TRRAP: variants seen among roughly 807,000 people sequenced by gnomAD.
The protein encoded by TRRAP is transformation/transcription domain associated protein, also known as transformation/transcription domain-associated protein.
In TRRAP, 41 loss-of-function variants were observed where a neutral mutation model predicts 438.8. That is an observed-to-expected ratio of 0.09 (90% CI 0.07 to 0.12). The LOEUF is 0.12. Among genes scored for constraint, TRRAP ranks in the 10% least tolerant of loss-of-function variants. The probability of loss-of-function intolerance (pLI) is 1.00; values close to 1 mark genes in which losing one functional copy is unlikely to be tolerated. For synonymous variants in TRRAP, 1,994 were observed against 1,962.9 expected, an observed-to-expected ratio of 1.02 and a Z score of -0.42; for missense variants, 3,122 against 5,055.1, an observed-to-expected ratio of 0.62 and a Z score of 11.60.
chr7:98,881,893 A>T (rs1795455508), intron 2 of TRRAP, 82 bp from the exon 3 acceptor site: 1 of 1,486,350 alleles, frequency 6.7e-7, no homozygotes, highest in African/African-American at 1.4e-5. Flanking sequence ...TGCTTCTCTT[A>T]AATTACTAAA....
At position 98,900,571 on chromosome 7, in the gene TRRAP, T is replaced by C. The variant is rs188429856; in HGVS notation, c.801-53T>C. The C allele has an allele frequency of 2.5e-4, 374 of 1,466,742 alleles. 2 individuals are homozygous for C. In the East Asian group the frequency reaches 7.8e-3, roughly 30 times the overall value. The allele number at this position is 1,466,742 out of a possible 1,614,324, so 90.9% of individuals were successfully genotyped here. On this transcript the variant is annotated intron_variant, in intron 10 of 72. Transcript: ENST00000456197. ...GTAATGGTTACAGGCTTTTAATTAA[T>C]ACTAACATCACTCATAATTGAGAGG...
intron 49 of TRRAP, among the ~76,000 whole-genome samples, chr7:98,966,755 C>T (rs1460878664): frequency 6.6e-6 from 1 of 151,978 alleles, no homozygotes; most frequent in Non-Finnish European, 1.5e-5. Context: ...ACAAATAATA[C>T]TTAAAGTAAA....
At position 98,910,613 on chromosome 7, in the gene TRRAP, G is replaced by C; in HGVS notation, c.1812+6G>C. The C allele has an allele frequency of 1.2e-6, 2 of 1,607,496 alleles. No homozygotes were observed. Among genetic ancestry groups the C allele is most frequent in the Non-Finnish European group, 1.7e-6 (2 of 1,177,176 alleles). ...AAGCTTTAGATATTTATCAGGTAAG[G>C]AAGTGCCCTCCAGCCAGGCTTTCGC... On this transcript the variant is annotated splice_donor_region_variant and intron_variant, in intron 16 of 72. Coordinates refer to ENST00000456197, the MANE Select transcript of TRRAP (RefSeq NM_001375524.1).
chr7:98,930,864 T>A (rs782184588), intron 25 of TRRAP, 34 bp downstream of exon 25: 1 of 1,612,474 alleles, frequency 6.2e-7, no homozygotes, highest in South Asian at 1.1e-5. Flanking sequence ...CTAACCATGC[T>A]GTTTTTGAAA....
intron 25 of TRRAP, 46 bp downstream of exon 25, chr7:98,930,876 G>C (rs1554412709): frequency 6.2e-7 from 1 of 1,610,016 alleles, no homozygotes; most frequent in Admixed American, 1.7e-5. Flanking sequence ...TTTTTGAAAT[G>C]GTGGTTTCCT....
intron 10 of TRRAP, 121 bp downstream of exon 10, chr7:98,899,888 C>G: frequency 9.8e-7 from 1 of 1,015,598 alleles, no homozygotes; most frequent in Non-Finnish European, 1.5e-6. Flanking sequence ...ATTATATGCA[C>G]TGTTGACTTT....
Position 98,984,232 on chromosome 7 carries a change from G to A in TRRAP, c.9162G>A (p.Leu3054=). 1 of 1,614,092 alleles carries A rather than the reference G, an allele frequency of 6.2e-7. No individual in the cohort carries two copies. Among genetic ancestry groups the A allele is most frequent in the Non-Finnish European group, 8.5e-7 (1 of 1,179,984 alleles). The change falls in exon 61 of 73, where the codon CTG becomes CTA. Residue 3054 remains leucine (L), a synonymous_variant. Transcript: ENST00000456197. The part of the protein sequence containing the change: ...ARKQGLVNVA[L]DILSRIHTIP... ...AACAAGGACTGGTCAATGTAGCTCT[G>A]GATATATTAAGTCGGATTCATACTA...
At chr7:98,937,987 CA>C (rs1231004326) in intron 30 of TRRAP, among the ~76,000 whole-genome samples, 167 bp downstream of exon 30, 1 of 152,134 alleles carries the variant, frequency 6.6e-6, no homozygotes, top group African/African-American at 2.4e-5. Flanking sequence ...CCAGACTGGC[CA>C]ACATGGTGAA....
chr7:98,912,263 T>C, intron 18 of TRRAP, 50 bp downstream of exon 18: 2 of 1,583,196 alleles, frequency 1.3e-6, no homozygotes, highest in Non-Finnish European at 8.6e-7. Context: ...TTTTTTATTG[T>C]TGTTAGAGAC....
intron 45 of TRRAP, among the ~76,000 whole-genome samples, chr7:98,960,694 C>T (rs1476462010): frequency 6.6e-6 from 1 of 151,998 alleles, no homozygotes; most frequent in African/African-American, 2.4e-5. Context: ...CGGGTTCAAG[C>T]GATTCTCATG....
Position 98,895,617 on chromosome 7 carries a change from A to C in TRRAP, c.451-147A>C, listed in dbSNP as rs1220208432. The C allele has an allele frequency of 1.1e-5, 6 of 528,228 alleles. No individual in the cohort carries two copies. In the African/African-American group the frequency reaches 1.2e-4, roughly 10 times the overall value. The allele number at this position is 528,228 out of a possible 1,614,324, so 32.7% of individuals were successfully genotyped here. A position where few individuals can be genotyped will look rare whatever the true frequency, so the allele number is the denominator to read the frequency against. On this transcript the variant is annotated intron_variant, in intron 6 of 72. Transcript: ENST00000456197. The stretch of plus-strand genomic sequence containing the variant: ...CTTATTTTTTTGTTTGTTTACATCC[A>C]TTGCCTATTTGTATCTTGAGCCCAC...
chr7:98,930,057 A>G lies in TRRAP; in HGVS notation c.3244A>G (p.Asn1082Asp), dbSNP rs782261368. Reference protein sequence around the residue: ...PSTAMFHSEENGSKGMDPLVL... With the variant: ...PSTAMFHSEEDGSKGMDPLVL... ...CACAGCCATGTTTCACAGTGAAGAAAATGGCTCGAAAGGAATGGATCCTTT... is the reference window on the plus strand; with the variant it reads ...CACAGCCATGTTTCACAGTGAAGAAGATGGCTCGAAAGGAATGGATCCTTT... The change falls in exon 24 of 73, where the codon AAT becomes GAT. Residue 1082 changes from asparagine (N) to aspartate (D), a missense_variant. Around this residue, in one of 24 missense-constraint regions of TRRAP, gnomAD observed 54 missense variants for 74.6 expected, o/e 0.72. Coordinates refer to ENST00000456197, the MANE Select transcript of TRRAP (RefSeq NM_001375524.1). 13 of 1,614,060 alleles carry G rather than the reference A, an allele frequency of 8.1e-6. No individual in the cohort carries two copies. In the South Asian group the frequency reaches 8.8e-5, roughly 11 times the overall value.
intron 39 of TRRAP, 74 bp from the exon 40 acceptor site, chr7:98,953,093 A>G: frequency 2.7e-6 from 4 of 1,507,306 alleles, no homozygotes; most frequent in Non-Finnish European, 3.6e-6. Context: ...TTAAGGCTTA[A>G]ACCTGTCGTA....
In TRRAP at chr7:98,951,963, A is replaced by T. The variant is rs1483012165; in HGVS notation, c.5463+959A>T. On this transcript the variant is annotated intron_variant, in intron 39 of 72. Coordinates refer to ENST00000456197, the MANE Select transcript of TRRAP (RefSeq NM_001375524.1). ...GTCAGATGCTGCTGTGGGGATTTTG[A>T]ACGTCAGGATGAGGAGAAAAGGAGC... Among the ~76,000 whole-genome samples the T allele has an allele frequency of 2.6e-5, 4 of 152,104 alleles. No individual in the cohort carries two copies. In the East Asian group the frequency reaches 7.7e-4, roughly 29 times the overall value.
intron 10 of TRRAP, among the ~76,000 whole-genome samples, 156 bp downstream of exon 10, chr7:98,899,923 A>G (rs185440879): frequency 6.6e-6 from 1 of 152,322 alleles, no homozygotes; most frequent in Admixed American, 6.5e-5. Flanking sequence ...CAGGGATGAC[A>G]GTTGTAGCTA....
intron 33 of TRRAP, among the ~76,000 whole-genome samples, chr7:98,946,284 CAG>C (rs1554416798): frequency 2.8e-5 from 4 of 142,790 alleles, no homozygotes. Flanking sequence ...GAAACTCACA[CAG>C]AGTATATTGT....
chr7:98,962,154 A>G (rs1265856585), intron 46 of TRRAP, 148 bp from the exon 47 acceptor site: 5 of 1,168,456 alleles, frequency 4.3e-6, no homozygotes, highest in East Asian at 2.4e-5. Context: ...GAACCAGCCC[A>G]GAGGTGAGGC....
intron 5 of TRRAP, among the ~76,000 whole-genome samples, chr7:98,892,890 G>T (rs10487143): frequency 6.6e-6 from 1 of 152,118 alleles, no homozygotes; most frequent in South Asian, 2.1e-4. Context: ...CTCATAAAGA[G>T]TATCTCACAT....
At chr7:98,922,022 T>C (rs782180749) in intron 21 of TRRAP, 69 bp downstream of exon 21, 38 of 1,595,688 alleles carry the variant, frequency 2.4e-5, no homozygotes, top group Non-Finnish European at 2.8e-5. Flanking sequence ...CTATGTGAAA[T>C]GTTAATTAGA....
Sources: allele counts gnomAD v4.1 joint callset (sites outside exome capture counted in the v4.1 genomes callset), GRCh38; gene constraint gnomAD v4.1.1; regional missense constraint gnomAD v4.1.1; transcripts MANE v1.5; gene names NCBI Gene and HGNC (gene_info 2026-07-23, HGNC 2026-07-21).